DPY19L4: variants seen among roughly 807,000 people sequenced by gnomAD.
DPY19L4 encodes probable C-mannosyltransferase DPY19L4.
DPY19L4 carries 97 observed loss-of-function variants against 102.8 expected under a neutral mutation model. The observed-to-expected ratio is 0.94, with a 90% CI of 0.80 to 1.12. DPY19L4 has a LOEUF of 1.12. Ranked by LOEUF, DPY19L4 falls within the 50% of genes most tolerant of loss-of-function variation. The pLI is 0.00. For synonymous variants in DPY19L4, 252 were observed against 283.1 expected (o/e 0.89, Z 1.10); for missense variants, 815 against 850.4 (o/e 0.96, Z 0.52).
At chr8:94,774,148 G>A (rs892240666) in intron 13 of DPY19L4, among the ~76,000 whole-genome samples, 5 of 151,524 alleles carry the variant, frequency 3.3e-5, no homozygotes, top group African/African-American at 1.2e-4. Context: ...GGCTCAAGCA[G>A]TGCTCCCACG....
rs778540423 is a variant in DPY19L4 at position 94,788,095 on chromosome 8, A to ATATATATATATTTTTT, written c.2007+44_2007+45insATATATATATTTTTTT. 47 of 971,646 alleles carry ATATATATATATTTTTT rather than the reference A, an allele frequency of 4.8e-5. No homozygotes were observed. In the African/African-American group the frequency reaches 1.1e-3, roughly 22 times the overall value. The allele number at this position is 971,646 out of a possible 1,614,324, so 60.2% of individuals were successfully genotyped here. A position where few individuals can be genotyped will look rare whatever the true frequency, so the allele number is the denominator to read the frequency against. ...AAGTTATATATATGTATATATATAT[A>ATATATATATATTTTTT]TTTTTTTTTTAGAAAAATGACTTTA... On this transcript the variant is annotated intron_variant, in intron 18 of 18. Transcript: ENST00000414645.
At chr8:94,733,146 G>C (rs1156373372) in intron 2 of DPY19L4, among the ~76,000 whole-genome samples, 1 of 91,746 alleles carries the variant, frequency 1.1e-5, no homozygotes, top group Non-Finnish European at 1.9e-5. Flanking sequence ...TTTTTTTTGA[G>C]ACAGAGTCTC....
chr8:94,731,798 C>T (rs139590513), intron 2 of DPY19L4, among the ~76,000 whole-genome samples: 2,157 of 152,256 alleles, frequency 0.014, 49 homozygotes, highest in African/African-American at 0.048. Flanking sequence ...GTTGCCCAGG[C>T]TGGAGTGCAG....
intron 9 of DPY19L4, 65 bp downstream of exon 9, chr8:94,765,379 C>T (rs1812628324): frequency 2.7e-6 from 4 of 1,474,168 alleles, no homozygotes; most frequent in African/African-American, 2.9e-5. Flanking sequence ...GAGTCTCACT[C>T]TGTTGCCCAG....
chr8:94,778,671 C>CTT (rs1264208904), intron 14 of DPY19L4, among the ~76,000 whole-genome samples: 5 of 147,694 alleles, frequency 3.4e-5, no homozygotes, highest in African/African-American at 1.3e-4. Context: ...CTTTTTCTTT[C>CTT]TTTTTTTTTT....
chr8:94,768,356 C>T (rs745656871), intron 11 of DPY19L4, 39 bp from the exon 12 acceptor site: 14 of 1,500,086 alleles, frequency 9.3e-6, no homozygotes, highest in South Asian at 2.5e-5. Flanking sequence ...CAGTTTAAAA[C>T]GTCTATGAAT....
At chr8:94,773,607 T>C (rs1465059884) in intron 13 of DPY19L4, among the ~76,000 whole-genome samples, 1 of 151,856 alleles carries the variant, frequency 6.6e-6, no homozygotes, top group Non-Finnish European at 1.5e-5. Flanking sequence ...ATTTTGTATT[T>C]TGAGTAGAGA....
At chr8:94,728,237 A>G (rs565475415) in intron 2 of DPY19L4, among the ~76,000 whole-genome samples, 2 of 152,350 alleles carry the variant, frequency 1.3e-5, no homozygotes, top group East Asian at 1.9e-4. Context: ...AAGCGGTCTC[A>G]GGCCTGCTGT....
intron 2 of DPY19L4, among the ~76,000 whole-genome samples, chr8:94,731,551 G>T (rs1393866121): frequency 6.6e-6 from 1 of 152,080 alleles, no homozygotes; most frequent in Non-Finnish European, 1.5e-5. Context: ...CAGTAGCTGG[G>T]ATTACAGGCA....
intron 2 of DPY19L4, among the ~76,000 whole-genome samples, chr8:94,728,899 T>C (rs1810808955): frequency 6.6e-6 from 1 of 152,146 alleles, no homozygotes. Context: ...AACAGTTTAT[T>C]AACCAGGCAT....
chr8:94,735,205 A>G (rs1811142080), intron 3 of DPY19L4, among the ~76,000 whole-genome samples: 1 of 152,226 alleles, frequency 6.6e-6, no homozygotes, highest in East Asian at 1.9e-4. Context: ...GTTTTCAATC[A>G]TGTATATTTC....
chr8:94,732,682 C>A (rs1402024168), intron 2 of DPY19L4, among the ~76,000 whole-genome samples: 1 of 151,240 alleles, frequency 6.6e-6, no homozygotes, highest in Non-Finnish European at 1.5e-5. Flanking sequence ...AATAAAAAAT[C>A]CTGAAAGGAA....
intron 13 of DPY19L4, among the ~76,000 whole-genome samples, chr8:94,777,327 A>G (rs1448747716): frequency 1.3e-5 from 2 of 152,128 alleles, no homozygotes; most frequent in Non-Finnish European, 2.9e-5. Flanking sequence ...TCAGCCTCCC[A>G]AAGTGCTGGG....
At position 94,792,695 on chromosome 8, in the gene DPY19L4, A is replaced by C. The variant is rs1407581515; in HGVS notation, c.*2785A>C. On this transcript the variant is annotated 3_prime_UTR_variant, in exon 19 of 19. Transcript: ENST00000414645. Reference sequence around the variant, plus strand: ...CACGGTGAAACCCCGTCTCTACTGAAAATACAAAAAATTAGCCGGGCAGGG... The same window carrying C: ...CACGGTGAAACCCCGTCTCTACTGACAATACAAAAAATTAGCCGGGCAGGG... 1 of 152,252 alleles carries C rather than the reference A, an allele frequency of 6.6e-6. No individual in the cohort carries two copies. Among genetic ancestry groups the C allele is most frequent in the Non-Finnish European group, 1.5e-5 (1 of 68,200 alleles). 9.4% of individuals were successfully genotyped at this position (152,252 alleles called of 1,614,324 possible). A position where few individuals can be genotyped will look rare whatever the true frequency, so the allele number is the denominator to read the frequency against.
intron 14 of DPY19L4, 69 bp downstream of exon 14, chr8:94,777,855 A>C: frequency 6.7e-7 from 1 of 1,483,022 alleles, no homozygotes; most frequent in Non-Finnish European, 9.1e-7. Flanking sequence ...TGGAAACTAC[A>C]TTGAATACAA....
chr8:94,770,687 C>T, intron 13 of DPY19L4, 116 bp downstream of exon 13: 1 of 1,346,758 alleles, frequency 7.4e-7, no homozygotes, highest in East Asian at 2.4e-5. Context: ...CACCTGAGTT[C>T]AGGAGTTTGA....
intron 2 of DPY19L4, among the ~76,000 whole-genome samples, chr8:94,733,901 T>G (rs1050965357): frequency 6.6e-6 from 1 of 152,324 alleles, no homozygotes; most frequent in East Asian, 1.9e-4. Flanking sequence ...ATAGAGTTCC[T>G]GTATTACACT....
intron 2 of DPY19L4, among the ~76,000 whole-genome samples, chr8:94,729,035 A>G (rs988352397): frequency 2.6e-5 from 4 of 151,752 alleles, no homozygotes; most frequent in Non-Finnish European, 5.9e-5. Flanking sequence ...AAAAAAAAAA[A>G]GAAAAAGCTG....
rs188856618 is a variant in DPY19L4, at chr8:94,753,678, C to G, written c.612-2358C>G. 2.7e-3 allele frequency among the ~76,000 whole-genome samples: 415 copies of G among 152,168 alleles called. 1 individual carries two copies. The highest frequency in any genetic ancestry group is 2.5e-3 in the Non-Finnish European group (168 of 68,002). ...ACGAGGTCAGGAGTTGAAGACCAGC[C>G]TGGCCAACATAGTGAAACCTCATCT... On this transcript the variant is annotated intron_variant, in intron 6 of 18. Coordinates refer to ENST00000414645, the MANE Select transcript of DPY19L4 (RefSeq NM_181787.3).
Sources: allele counts gnomAD v4.1 joint callset (sites outside exome capture counted in the v4.1 genomes callset), GRCh38; gene constraint gnomAD v4.1.1; transcripts MANE v1.5; gene names NCBI Gene and HGNC (gene_info 2026-07-23, HGNC 2026-07-21).